The following DSCAM variants were observed in gnomAD, a reference collection of about 807,000 sequenced individuals.
DSCAM encodes cell adhesion molecule DSCAM.
A neutral mutation model predicts 217.7 loss-of-function variants in DSCAM; 47 were observed. That is an observed-to-expected ratio of 0.22 (90% CI 0.17 to 0.28). The LOEUF (loss-of-function observed/expected upper bound fraction) is 0.28, where lower values mean the gene tolerates loss of function less well. DSCAM is among the 10% of genes least tolerant of loss of function. The probability of loss-of-function intolerance (pLI) is 1.00; values close to 1 mark genes in which losing one functional copy is unlikely to be tolerated. For synonymous variants in DSCAM, 1,056 were observed against 1,015.3 expected (o/e 1.04, Z -0.76); for missense variants, 2,080 against 2,618.3 (o/e 0.79, Z 4.49).
At chr21:40,429,666 A>G (rs1167872902) in intron 3 of DSCAM, among the ~76,000 whole-genome samples, 1 of 152,228 alleles carries the variant, frequency 6.6e-6, no homozygotes, top group Non-Finnish European at 1.5e-5. Context: ...ACGCCCTTGT[A>G]CTTCAGGTCC....
chr21:40,188,473 T>A (rs577001066), intron 12 of DSCAM, among the ~76,000 whole-genome samples: 1 of 152,294 alleles, frequency 6.6e-6, no homozygotes, highest in South Asian at 2.1e-4. Context: ...TGAGAGCCAA[T>A]ATAAGCATTT....
intron 10 of DSCAM, among the ~76,000 whole-genome samples, chr21:40,286,931 TTGTGATCTGCAGTGTGATCCATGG>T (rs948563685): frequency 1.4e-5 from 2 of 145,890 alleles, no homozygotes; most frequent in Non-Finnish European, 3.0e-5. Flanking sequence ...ATGATCCACG[TTGTGATCTGCAGTGTGATCCATGG>T]TGTGATCTGC....
At chr21:40,173,713 C>T (rs1437332282) in intron 15 of DSCAM, among the ~76,000 whole-genome samples, 1 of 152,144 alleles carries the variant, frequency 6.6e-6, no homozygotes, top group Non-Finnish European at 1.5e-5. Context: ...CAGCTCAGCA[C>T]ATAGGAAACT....
chr21:40,112,353 G>A (rs1046220478), intron 20 of DSCAM, among the ~76,000 whole-genome samples: 5 of 151,878 alleles, frequency 3.3e-5, no homozygotes, highest in African/African-American at 1.2e-4. Flanking sequence ...AAATAAAGAT[G>A]TTCCTTGAAA....
At position 40,347,964 on chromosome 21, in the gene DSCAM, G is replaced by C. The variant is rs180831054; in HGVS notation, c.935-19C>G. On this transcript the variant is annotated intron_variant, in intron 5 of 32. Transcript: ENST00000400454. ...AGTGGCTCTGGAGGTTTTAGTAAGA[G>C]AGAGAGAAAAAAGATAAAAACATCA... 23 of 1,598,260 alleles carry C rather than the reference G, an allele frequency of 1.4e-5. No homozygotes were observed. The highest frequency in any genetic ancestry group is 4.3e-6 in the Non-Finnish European group (5 of 1,172,036).
chr21:40,830,526 G>C (rs1230632046), intron 1 of DSCAM, among the ~76,000 whole-genome samples: 1 of 152,142 alleles, frequency 6.6e-6, no homozygotes, highest in Non-Finnish European at 1.5e-5. Context: ...GACCTATCTG[G>C]GGCTCATTCA....
At chr21:40,584,225 TAGCTC>T (rs2076926866) in intron 3 of DSCAM, among the ~76,000 whole-genome samples, 1 of 152,216 alleles carries the variant, frequency 6.6e-6, no homozygotes, top group African/African-American at 2.4e-5. Context: ...GGCACAGGCA[TAGCTC>T]ACCTGAAGCA....
rs369287039 is a variant in DSCAM, at chr21:40,427,298, G to A, written c.509-58053C>T. ...TGATCACTGTCCTGGGCATGAACCC[G>A]TGTATCCCAGCTGACCATGGCCCTC... On this transcript the variant is annotated intron_variant, in intron 3 of 32. Coordinates refer to ENST00000400454, the MANE Select transcript of DSCAM (RefSeq NM_001389.5). Among the ~76,000 whole-genome samples the A allele has an allele frequency of 2.5e-3, 387 of 152,210 alleles. 1 individual carries two copies. The highest frequency in any genetic ancestry group is 8.5e-3 in the African/African-American group (353 of 41,528).
chr21:40,289,570 T>C (rs1301894708), intron 10 of DSCAM, among the ~76,000 whole-genome samples: 1 of 152,160 alleles, frequency 6.6e-6, no homozygotes, highest in African/African-American at 2.4e-5. Context: ...ATAAGATATG[T>C]TGAGAGAGAC....
At chr21:40,386,939 A>G (rs1277165107) in intron 3 of DSCAM, among the ~76,000 whole-genome samples, 1 of 152,140 alleles carries the variant, frequency 6.6e-6, no homozygotes, top group African/African-American at 2.4e-5. Flanking sequence ...CATGAAATGT[A>G]TGTCAGATTA....
chr21:40,042,063 G>GGA (rs781336229), intron 32 of DSCAM, among the ~76,000 whole-genome samples: 1 of 152,168 alleles, frequency 6.6e-6, no homozygotes, highest in Non-Finnish European at 1.5e-5. Context: ...AGCACCTTGT[G>GGA]GAGAGGCCAG....
chr21:40,562,935 C>T (rs1467751), intron 3 of DSCAM, among the ~76,000 whole-genome samples: 86,476 of 152,072 alleles, frequency 0.57, 24,589 homozygotes, highest in Middle Eastern at 0.63. Context: ...GAGAGAGAGA[C>T]GCAAAAACAA....
chr21:40,489,757 A>G (rs1409780318), intron 3 of DSCAM, among the ~76,000 whole-genome samples: 1 of 117,698 alleles, frequency 8.5e-6, no homozygotes, highest in East Asian at 3.1e-4. Flanking sequence ...CCTGGGCGAC[A>G]GGGCGAGACT....
At chr21:40,485,271 C>T (rs1446726693) in intron 3 of DSCAM, among the ~76,000 whole-genome samples, 4 of 144,448 alleles carry the variant, frequency 2.8e-5, no homozygotes, top group Non-Finnish European at 4.5e-5. Flanking sequence ...GACGGAGCCT[C>T]GCTGTCGCCC....
intron 3 of DSCAM, among the ~76,000 whole-genome samples, chr21:40,611,490 G>T (rs1297151914): frequency 6.6e-6 from 1 of 152,094 alleles, no homozygotes; most frequent in African/African-American, 2.4e-5. Context: ...TTGAAAAAGG[G>T]TATGTATTTT....
intron 1 of DSCAM, among the ~76,000 whole-genome samples, chr21:40,826,853 G>A (rs554361596): frequency 6.6e-6 from 1 of 152,240 alleles, no homozygotes; most frequent in Admixed American, 6.5e-5. Flanking sequence ...GTAGGCAGCT[G>A]GATTTCAGGA....
intron 20 of DSCAM, among the ~76,000 whole-genome samples, chr21:40,102,751 C>A (rs2089769118): frequency 6.6e-6 from 1 of 152,164 alleles, no homozygotes. Flanking sequence ...CATTTCCGAA[C>A]CCCTCACATT....
chr21:40,093,616 G>T, intron 21 of DSCAM, 105 bp downstream of exon 21: 1 of 1,359,000 alleles, frequency 7.4e-7, no homozygotes, highest in Non-Finnish European at 1.0e-6. Context: ...TGATATTCTG[G>T]TTTATTTGAT....
At chr21:40,550,242 T>C (rs1198790897) in intron 3 of DSCAM, among the ~76,000 whole-genome samples, 2 of 152,106 alleles carry the variant, frequency 1.3e-5, no homozygotes, top group African/African-American at 4.8e-5. Flanking sequence ...AATATTTTAC[T>C]AGTCGGGCGC....
Sources: allele counts gnomAD v4.1 joint callset (sites outside exome capture counted in the v4.1 genomes callset), GRCh38; gene constraint gnomAD v4.1.1; transcripts MANE v1.5; gene names NCBI Gene and HGNC (gene_info 2026-07-23, HGNC 2026-07-21).